The following TTC27 variants were observed in gnomAD, a reference collection of about 807,000 sequenced individuals.
TTC27 encodes tetratricopeptide repeat domain 27, also known as tetratricopeptide repeat protein 27.
Under a neutral mutation model 115.9 loss-of-function variants are expected in TTC27, and 79 were observed. The ratio of observed to expected loss-of-function variants is 0.68; its 90% CI spans 0.57 to 0.82. The LOEUF is 0.82. Ranked by LOEUF, TTC27 falls within the 40% of genes least tolerant of loss-of-function variation. The pLI is 0.00. For missense variants in TTC27, 1,054 were observed against 993.1 expected (o/e 1.06, Z -0.82); for synonymous variants, 401 against 356.0 (o/e 1.13, Z -1.42).
chr2:32,640,159 T>A, intron 3 of TTC27, 111 bp from the exon 4 acceptor site: 3 of 998,738 alleles, frequency 3.0e-6, no homozygotes, highest in Non-Finnish European at 4.3e-6. Context: ...AATATATTAA[T>A]GCTTTTGTTT....
At position 32,758,498 on chromosome 2, in the gene TTC27, G is replaced by C. The variant is rs34231491; in HGVS notation, c.1659G>C (p.Ser553=). 1 of 1,614,084 alleles carries C rather than the reference G, an allele frequency of 6.2e-7. No homozygotes were observed. Among genetic ancestry groups the C allele is most frequent in the Non-Finnish European group, 8.5e-7 (1 of 1,180,030 alleles). ...AGTGTGTAGAGTGCTTCGAACGCTC[G>C]GTTAAGATTAATCCCATGCAGGTTA... ...FQECVECFER[S]VKINPMQLGV... is the part of the protein sequence containing the mutation. The change falls in exon 13 of 20, where the codon TCG becomes TCC. Residue 553 remains serine, a synonymous_variant. Coordinates refer to ENST00000317907, the MANE Select transcript of TTC27 (RefSeq NM_017735.5).
intron 15 of TTC27, among the ~76,000 whole-genome samples, chr2:32,785,369 C>G (rs1670311945): frequency 1.3e-5 from 2 of 151,896 alleles, no homozygotes; most frequent in African/African-American, 2.4e-5. Context: ...CTGGAAAATT[C>G]TCTGCTTTTA....
At chr2:32,804,155 C>A (rs895864718) in intron 16 of TTC27, among the ~76,000 whole-genome samples, 1 of 151,938 alleles carries the variant, frequency 6.6e-6, no homozygotes, top group African/African-American at 2.4e-5. Context: ...GCTGTATATA[C>A]CTTTTGTAGA....
intron 8 of TTC27, among the ~76,000 whole-genome samples, chr2:32,673,815 T>C (rs1361171045): frequency 1.3e-5 from 2 of 151,840 alleles, no homozygotes; most frequent in East Asian, 3.9e-4. Flanking sequence ...GCCAACATGG[T>C]GAAATCCTGT....
chr2:32,733,968 A>G, intron 11 of TTC27, 45 bp downstream of exon 11: 3 of 1,310,736 alleles, frequency 2.3e-6, no homozygotes, highest in Middle Eastern at 1.8e-4. Context: ...ACTTGGCATT[A>G]GAAAGGTAAA....
intron 16 of TTC27, among the ~76,000 whole-genome samples, chr2:32,802,393 T>G (rs1158613966): frequency 6.6e-6 from 1 of 152,234 alleles, no homozygotes. Flanking sequence ...TGTGTATAAA[T>G]AATTTTTAAA....
intron 9 of TTC27, among the ~76,000 whole-genome samples, chr2:32,696,810 A>T (rs1572524146): frequency 6.6e-6 from 1 of 152,350 alleles, no homozygotes; most frequent in Admixed American, 6.5e-5. Context: ...TCATACAAAG[A>T]TAGGATAAAG....
At chr2:32,628,759 T>G (rs934081224) in intron 1 of TTC27, among the ~76,000 whole-genome samples, 1 of 151,362 alleles carries the variant, frequency 6.6e-6, no homozygotes, top group Non-Finnish European at 1.5e-5. Flanking sequence ...ATTTATTTAT[T>G]TATTTATTTA....
At chr2:32,726,557 A>G (rs757786788) in intron 10 of TTC27, among the ~76,000 whole-genome samples, 12 of 152,194 alleles carry the variant, frequency 7.9e-5, no homozygotes. Flanking sequence ...TTCATTGTCC[A>G]TATCATTATC....
chr2:32,639,820 T>A (rs1664571760), intron 3 of TTC27, among the ~76,000 whole-genome samples: 2 of 152,188 alleles, frequency 1.3e-5, no homozygotes, highest in African/African-American at 4.8e-5. Context: ...CTGGCCAACA[T>A]GGTGAAACCC....
In TTC27 at chr2:32,630,693, A is replaced by G; in HGVS notation, c.259A>G (p.Thr87Ala). The G allele has an allele frequency of 6.3e-7, 1 of 1,599,498 alleles. No individual in the cohort carries two copies. The change falls in exon 2 of 20, where the codon ACG (threonine) becomes GCG (alanine). Residue 87 changes from threonine (T) to alanine (A), a missense_variant. Transcript: ENST00000317907. ...FLDYSTDLDTTERQQLIFLLG... is the reference protein window; with the variant it reads ...FLDYSTDLDTAERQQLIFLLG... ...GGATTACTCAACAGATTTGGACACAACGGAAAGGTAGAATTTTATTTGAAA... is the reference window on the plus strand; with the variant it reads ...GGATTACTCAACAGATTTGGACACAGCGGAAAGGTAGAATTTTATTTGAAA...
intron 10 of TTC27, 105 bp downstream of exon 10, chr2:32,703,025 C>CCT: frequency 1.3e-6 from 1 of 797,876 alleles, no homozygotes; most frequent in Non-Finnish European, 2.1e-6. Flanking sequence ...TTACATTTCA[C>CCT]TCAAATAATT....
At chr2:32,784,300 A>G (rs958724400) in intron 15 of TTC27, among the ~76,000 whole-genome samples, 1 of 152,180 alleles carries the variant, frequency 6.6e-6, no homozygotes, top group African/African-American at 2.4e-5. Context: ...TTTCATGCAA[A>G]GGTGGAGTTG....
intron 9 of TTC27, among the ~76,000 whole-genome samples, chr2:32,694,291 A>G (rs1666911394): frequency 1.3e-5 from 2 of 152,256 alleles, no homozygotes; most frequent in Non-Finnish European, 1.5e-5. Context: ...AGTGTTTACT[A>G]TAATTAACTA....
chr2:32,689,388 A>G (rs1666740140), intron 9 of TTC27, among the ~76,000 whole-genome samples: 1 of 152,150 alleles, frequency 6.6e-6, no homozygotes, highest in Non-Finnish European at 1.5e-5. Flanking sequence ...TTATCAATAT[A>G]GACTTGGGTT....
At chr2:32,683,931 A>G (rs1302061821) in intron 9 of TTC27, among the ~76,000 whole-genome samples, 1 of 152,132 alleles carries the variant, frequency 6.6e-6, no homozygotes, top group East Asian at 1.9e-4. Flanking sequence ...CAAGGTGGGC[A>G]GATCACAAGG....
chr2:32,632,920 C>T (rs1454758348), intron 2 of TTC27, among the ~76,000 whole-genome samples: 1 of 152,142 alleles, frequency 6.6e-6, no homozygotes, highest in African/African-American at 2.4e-5. Flanking sequence ...AAAAAACAAA[C>T]ATGATATGCA....
chr2:32,734,471 A>G (rs1355983541), intron 11 of TTC27, among the ~76,000 whole-genome samples: 2 of 152,214 alleles, frequency 1.3e-5, no homozygotes, highest in Non-Finnish European at 2.9e-5. Flanking sequence ...GAAAGCATTT[A>G]TTTGGTATAC....
At chr2:32,760,262 GA>G (rs1669390234) in intron 13 of TTC27, among the ~76,000 whole-genome samples, 1 of 152,246 alleles carries the variant, frequency 6.6e-6, no homozygotes, top group African/African-American at 2.4e-5. Flanking sequence ...AATATCAGCA[GA>G]AACTAATGGG....
Sources: allele counts gnomAD v4.1 joint callset (sites outside exome capture counted in the v4.1 genomes callset), GRCh38; gene constraint gnomAD v4.1.1; transcripts MANE v1.5; gene names NCBI Gene and HGNC (gene_info 2026-07-23, HGNC 2026-07-21).